The following BIRC2 variants were observed in gnomAD, a reference collection of about 807,000 sequenced individuals.
BIRC2 encodes baculoviral IAP repeat-containing protein 2.
In BIRC2, 18 loss-of-function variants were observed where a neutral mutation model predicts 60.9. That is an observed-to-expected ratio of 0.30 (90% confidence interval 0.20 to 0.44). BIRC2 has a LOEUF of 0.44. Ranked by LOEUF, BIRC2 falls within the 20% of genes least tolerant of loss-of-function variation. BIRC2 has a pLI of 1.00. For synonymous variants in BIRC2, 282 were observed against 247.7 expected (o/e 1.14, Z -1.30); for missense variants, 701 against 728.5 (o/e 0.96, Z 0.43).
Position 102,356,680 on chromosome 11 carries a change from A to AT in BIRC2, c.995+5753dup, listed in dbSNP as rs759616402. Among the ~76,000 whole-genome samples, 561 of 134,562 alleles carry AT rather than the reference A, an allele frequency of 4.2e-3. 5 individuals carry two copies. Among genetic ancestry groups the AT allele is most frequent in the South Asian group, 9.2e-3 (39 of 4,258 alleles). The allele number at this position is 134,562 out of a possible 152,430, so 88.3% of individuals were successfully genotyped here. A position where few individuals can be genotyped will look rare whatever the true frequency, so the allele number is the denominator to read the frequency against. On this transcript the variant is annotated intron_variant, in intron 3 of 8. Coordinates refer to ENST00000227758, the MANE Select transcript of BIRC2 (RefSeq NM_001166.5). ...GTTTATATTATTATTATTATTATTAATTTTTTTTTTTTTTTTGAGATGGAG... is the reference window on the plus strand; with the variant it reads ...GTTTATATTATTATTATTATTATTAATTTTTTTTTTTTTTTTTGAGATGGAG...
In BIRC2 at chr11:102,377,970, A is replaced by C; in HGVS notation, c.1664-20A>C. The C allele has an allele frequency of 4.4e-6, 7 of 1,600,950 alleles. No homozygotes were observed. Among genetic ancestry groups the C allele is most frequent in the Non-Finnish European group, 6.0e-6 (7 of 1,176,142 alleles). On this transcript the variant is annotated intron_variant, in intron 8 of 8. Coordinates refer to ENST00000227758, the MANE Select transcript of BIRC2 (RefSeq NM_001166.5). ...TAATGAAGTGGAAACAATTTCACTA[A>C]AGTTATTTTTTGTTATTAGGTCTGT...
chr11:102,375,418 C>G (rs1021020144), intron 6 of BIRC2, among the ~76,000 whole-genome samples: 2 of 152,154 alleles, frequency 1.3e-5, no homozygotes, highest in African/African-American at 4.8e-5. Context: ...TTAAGAGTAC[C>G]TTATTGCATG....
In BIRC2 at chr11:102,370,759, TA is replaced by T. The variant is rs1232750814; in HGVS notation, c.1366+2212del. 2.7e-3 allele frequency among the ~76,000 whole-genome samples: 244 copies of T among 90,432 alleles called. 21 individuals are homozygous for T. Among genetic ancestry groups the T allele is most frequent in the African/African-American group, 0.013 (230 of 17,708 alleles). 59.3% of individuals were successfully genotyped at this position (90,432 alleles called of 152,430 possible). A position where few individuals can be genotyped will look rare whatever the true frequency, so the allele number is the denominator to read the frequency against. ...TGAATCTGTAAATTACCTTGGGCAGTATGGCCATTTTCACGATATTGATTCT... is the reference window on the plus strand; with the variant it reads ...TGAATCTGTAAATTACCTTGGGCAGTTGGCCATTTTCACGATATTGATTCT... On this transcript the variant is annotated intron_variant, in intron 6 of 8. Coordinates refer to ENST00000227758, the MANE Select transcript of BIRC2 (RefSeq NM_001166.5).
chr11:102,350,539 A>C lies in BIRC2; in HGVS notation c.685A>C (p.Asn229His). ...ACFACGGKLSNWEPKDDAMSE... is the reference protein window; with the variant it reads ...ACFACGGKLSHWEPKDDAMSE... ...CTTTGCCTGTGGTGGGAAGCTCAGT[A>C]ACTGGGAACCAAAGGATGATGCTAT... Residue 229 changes from asparagine (N) to histidine (H), a missense_variant, in exon 2 of 9, where the codon AAC becomes CAC. Physicochemically the swap from Asn to His is moderately conservative, Grantham distance 68. Coordinates refer to ENST00000227758, the MANE Select transcript of BIRC2 (RefSeq NM_001166.5). The C allele has an allele frequency of 6.2e-7, 1 of 1,614,220 alleles. No homozygotes were observed. Among genetic ancestry groups the C allele is most frequent in the Non-Finnish European group, 8.5e-7 (1 of 1,180,044 alleles).
chr11:102,374,535 C>G (rs1350128137), intron 6 of BIRC2, among the ~76,000 whole-genome samples: 2 of 151,058 alleles, frequency 1.3e-5, no homozygotes, highest in Admixed American at 6.6e-5. Context: ...TCTCAGATCT[C>G]CAGCTGCGTG....
intron 3 of BIRC2, among the ~76,000 whole-genome samples, chr11:102,355,935 T>C (rs948293914): frequency 3.9e-5 from 6 of 152,204 alleles, no homozygotes; most frequent in African/African-American, 1.4e-4. Flanking sequence ...GTACTGACTT[T>C]TGTAAGTTGG....
intron 3 of BIRC2, among the ~76,000 whole-genome samples, chr11:102,353,617 C>G (rs1440026174): frequency 6.6e-6 from 1 of 151,840 alleles, no homozygotes; most frequent in Non-Finnish European, 1.5e-5. Context: ...TGAGCCCAGC[C>G]CACATTTCAA....
intron 6 of BIRC2, among the ~76,000 whole-genome samples, chr11:102,373,329 T>C (rs1481303508): frequency 2.6e-5 from 4 of 152,352 alleles, no homozygotes; most frequent in African/African-American, 7.2e-5. Flanking sequence ...CCATGTTTAG[T>C]GCTTCCTTCC....
intron 6 of BIRC2, among the ~76,000 whole-genome samples, chr11:102,370,089 C>G (rs34437326): frequency 6.6e-6 from 1 of 151,154 alleles, no homozygotes; most frequent in Non-Finnish European, 1.5e-5. Context: ...GAGTAGGTTG[C>G]GAAAATTTTC....
chr11:102,368,819 C>G (rs1048797011), intron 6 of BIRC2, among the ~76,000 whole-genome samples: 1 of 152,014 alleles, frequency 6.6e-6, no homozygotes, highest in Non-Finnish European at 1.5e-5. Context: ...CTTTCTTGAG[C>G]TGTATTCCAT....
chr11:102,347,797 A>G (rs1365491372), intron 1 of BIRC2: 1 of 152,130 alleles, frequency 6.6e-6, no homozygotes, highest in Non-Finnish European at 1.5e-5. Context: ...CTGTCATTCC[A>G]GTAGTCGTCT....
rs1018305209 is a variant in BIRC2, at chr11:102,349,669, G to A, written c.-186G>A. On this transcript the variant is annotated 5_prime_UTR_variant, in exon 2 of 9. Coordinates refer to ENST00000227758, the MANE Select transcript of BIRC2 (RefSeq NM_001166.5). ...ACCCCAAAGAGTTGTGTTCTAAGTA[G>A]TATCTTGGTAATTCAGAGAGATACT... The A allele has an allele frequency of 1.6e-6, 1 of 606,434 alleles. No homozygotes were observed. The highest frequency in any genetic ancestry group is 2.8e-6 in the Non-Finnish European group (1 of 361,798). 37.6% of individuals were successfully genotyped at this position (606,434 alleles called of 1,614,324 possible). A position where few individuals can be genotyped will look rare whatever the true frequency, so the allele number is the denominator to read the frequency against.
chr11:102,375,182 G>T (rs993359419), intron 6 of BIRC2, among the ~76,000 whole-genome samples: 1 of 152,172 alleles, frequency 6.6e-6, no homozygotes, highest in Non-Finnish European at 1.5e-5. Context: ...CGGCCATCTT[G>T]GCTCCTCCCC....
In BIRC2 at chr11:102,349,805, A is replaced by C; in HGVS notation, c.-50A>C. On this transcript the variant is annotated 5_prime_UTR_variant, in exon 2 of 9. Coordinates refer to ENST00000227758, the MANE Select transcript of BIRC2 (RefSeq NM_001166.5). Reference sequence around the variant, plus strand: ...GTGGTAAAAATCTTAGTTCATGTGAAGAAATTTCATGTGAATGTTTTAGCT... The same window carrying C: ...GTGGTAAAAATCTTAGTTCATGTGACGAAATTTCATGTGAATGTTTTAGCT... 1 of 1,504,966 alleles carries C rather than the reference A, an allele frequency of 6.6e-7. No individual in the cohort carries two copies. The highest frequency in any genetic ancestry group is 8.9e-7 in the Non-Finnish European group (1 of 1,121,934). 93.2% of individuals were successfully genotyped at this position (1,504,966 alleles called of 1,614,324 possible).
At chr11:102,352,684 G>A (rs964602050) in intron 3 of BIRC2, among the ~76,000 whole-genome samples, 1 of 152,090 alleles carries the variant, frequency 6.6e-6, no homozygotes, top group African/African-American at 2.4e-5. Context: ...GCTCACCTTT[G>A]CCTCCGAAAG....
rs1389108014 is a variant in BIRC2, at chr11:102,349,687, G to A, written c.-168G>A. 10 of 688,164 alleles carry A rather than the reference G, an allele frequency of 1.5e-5. No individual in the cohort carries two copies. Among genetic ancestry groups the A allele is most frequent in the Non-Finnish European group, 2.1e-5 (9 of 428,884 alleles). 42.6% of individuals were successfully genotyped at this position (688,164 alleles called of 1,614,324 possible). ...CTAAGTAGTATCTTGGTAATTCAGA[G>A]AGATACTCATCCTACCTGAATATAA... On this transcript the variant is annotated 5_prime_UTR_variant, in exon 2 of 9. Transcript: ENST00000227758.
At position 102,363,676 on chromosome 11, in the gene BIRC2, A is replaced by C. The variant is rs1245940967; in HGVS notation, c.1083A>C (p.Ser361=). The part of the protein sequence containing the change: ...RYPHLLEQLL[S]TSDTTGEENA... ...TTTCTCTTGTTTCATAGCTGTTGTC[A>C]ACTTCAGATACCACTGGAGAAGAAA... The change falls in exon 5 of 9, where the codon TCA becomes TCC. Residue 361 remains serine, a synonymous_variant. Transcript: ENST00000227758. 6.2e-7 allele frequency: 1 copy of C among 1,612,036 alleles called. No individual in the cohort carries two copies. Among genetic ancestry groups the C allele is most frequent in the Admixed American group, 1.7e-5 (1 of 59,946 alleles).
At chr11:102,369,915 G>C (rs1437704609) in intron 6 of BIRC2, among the ~76,000 whole-genome samples, 1 of 149,890 alleles carries the variant, frequency 6.7e-6, no homozygotes, top group Non-Finnish European at 1.5e-5. Flanking sequence ...CTGATGGCCA[G>C]TGATGATGAG....
rs192909095 is a variant in BIRC2 at position 102,355,341 on chromosome 11, A to G, written c.995+4398A>G. On this transcript the variant is annotated intron_variant, in intron 3 of 8. Transcript: ENST00000227758. ...TACATAAAAACGGTGTTGGATATCC[A>G]GTTTTCCCAACACCGTTTGTTAAAG... Among the ~76,000 whole-genome samples the G allele has an allele frequency of 2.6e-5, 4 of 152,302 alleles. No individual in the cohort carries two copies. The East Asian group carries it at 7.7e-4, about 29-fold the overall frequency.
Sources: gnomAD v4.1 joint callset for allele counts (sites outside exome capture counted in the v4.1 genomes callset) on GRCh38, gnomAD v4.1.1 for gene constraint, MANE v1.5 for transcripts, NCBI Gene and HGNC (gene_info 2026-07-23, HGNC 2026-07-21) for gene names.